RBM12: variants seen among roughly 807,000 people sequenced by gnomAD.
RBM12 encodes the protein RNA binding motif protein 12.
Under a neutral mutation model 37.2 loss-of-function variants are expected in RBM12, and 24 were observed. That is an observed-to-expected ratio of 0.65 (90% CI 0.47 to 0.91). RBM12 has a LOEUF of 0.91. RBM12 is among the 40% of genes least tolerant of loss of function. The probability of loss-of-function intolerance (pLI) is 0.00; values close to 1 mark genes in which losing one functional copy is unlikely to be tolerated. For missense variants in RBM12, 1,061 were observed against 1,183.2 expected, an observed-to-expected ratio of 0.90 and a Z score of 1.52; for synonymous variants, 420 against 425.2, an observed-to-expected ratio of 0.99 and a Z score of 0.15.
Position 35,658,965 on chromosome 20 carries a change from G to C in RBM12, c.-58C>G, listed in dbSNP as rs1263628989. Reference sequence around the variant, plus strand: ...AAGAGATGAATTTCCTTAACAAGAAGTAGAGGCCAAGTCAATCCTGTGGGC... The same window carrying C: ...AAGAGATGAATTTCCTTAACAAGAACTAGAGGCCAAGTCAATCCTGTGGGC... On this transcript the variant is annotated 5_prime_UTR_variant, in exon 2 of 3. Transcript: ENST00000374114. 1.4e-6 allele frequency: 1 copy of C among 717,022 alleles called. No homozygotes were observed. Among genetic ancestry groups the C allele is most frequent in the Non-Finnish European group, 2.6e-6 (1 of 385,026 alleles). The allele number at this position is 717,022 out of a possible 1,614,324, so 44.4% of individuals were successfully genotyped here.
intron 1 of RBM12, among the ~76,000 whole-genome samples, chr20:35,659,724 T>C (rs1368832367): frequency 6.6e-6 from 1 of 152,140 alleles, no homozygotes; most frequent in Non-Finnish European, 1.5e-5. Flanking sequence ...TAAGAGTATA[T>C]CCCAAAATAA....
chr20:35,657,681 C>T (rs928959271), intron 2 of RBM12, among the ~76,000 whole-genome samples: 1 of 152,154 alleles, frequency 6.6e-6, no homozygotes, highest in Non-Finnish European at 1.5e-5. Flanking sequence ...CTGGAAAGGG[C>T]TGAATATTAA....
chr20:35,654,641 G>A lies in RBM12; in HGVS notation c.682C>T (p.Pro228Ser), dbSNP rs745820252. The A allele has an allele frequency of 3.7e-6, 6 of 1,613,948 alleles. No individual in the cohort carries two copies. The highest frequency in any genetic ancestry group is 1.3e-5 in the African/African-American group (1 of 74,930). The change falls in exon 3 of 3, where the codon CCA (proline) becomes TCA (serine). Residue 228 changes from proline (P) to serine (S), a missense_variant. By Grantham distance (74) the Pro-to-Ser change is moderately conservative. Transcript: ENST00000374114. ...GTCATGGGTGGCACAGAAGGAACTG[G>A]GGGAATCGGGGGCACAGGAGGCACA... ...PPVPPVPPIP[P>S]VPSVPPMTPL...
Position 35,650,415 on chromosome 20 carries a change from C to G in RBM12, c.*2109G>C, listed in dbSNP as rs1264656779. ...ATAAAAGACTTTCATCTTCAAACAA[C>G]CCATTTTTCTAAAATGAAAATAGCT... On this transcript the variant is annotated 3_prime_UTR_variant, in exon 3 of 3. Transcript: ENST00000374114. 4 of 152,560 alleles carry G rather than the reference C, an allele frequency of 2.6e-5. No homozygotes were observed. The highest frequency in any genetic ancestry group is 4.4e-5 in the Non-Finnish European group (3 of 68,010). 9.5% of individuals were successfully genotyped at this position (152,560 alleles called of 1,614,324 possible). A position where few individuals can be genotyped will look rare whatever the true frequency, so the allele number is the denominator to read the frequency against.
At chr20:35,658,257 C>T (rs1262165224) in intron 2 of RBM12, among the ~76,000 whole-genome samples, 1 of 152,096 alleles carries the variant, frequency 6.6e-6, no homozygotes, top group Non-Finnish European at 1.5e-5. Flanking sequence ...GACCCATTAT[C>T]TATACTTAAA....
At position 35,654,596 on chromosome 20, in the gene RBM12, C is replaced by A; in HGVS notation, c.727G>T (p.Gly243Cys). The A allele has an allele frequency of 4.3e-6, 7 of 1,614,160 alleles. No individual in the cohort carries two copies. The highest frequency in any genetic ancestry group is 5.9e-6 in the Non-Finnish European group (7 of 1,180,030). Residue 243 changes from glycine to cysteine, a missense_variant, in exon 3 of 3, where the codon GGC becomes TGC. Gly to Cys is a radical substitution (Grantham distance 159, BLOSUM62 -3). Coordinates refer to ENST00000374114, the MANE Select transcript of RBM12 (RefSeq NM_006047.6). Reference protein sequence around the residue: ...PPMTPLPPMSGMPPLNPPPVA... With the variant: ...PPMTPLPPMSCMPPLNPPPVA... The stretch of plus-strand genomic sequence containing the variant: ...GGTGGCGGATTCAAGGGCGGCATGC[C>A]CGACATGGGTGGCAGTGGGGTCATG...
Position 35,654,650 on chromosome 20 carries a change from G to T in RBM12, c.673C>A (p.Pro225Thr). 6.2e-7 allele frequency: 1 copy of T among 1,613,974 alleles called. No individual in the cohort carries two copies. The highest frequency in any genetic ancestry group is 1.3e-5 in the African/African-American group (1 of 75,038). Reference protein sequence around the residue: ...PTLPPVPPVPPIPPVPSVPPM... With the variant: ...PTLPPVPPVPTIPPVPSVPPM... ...GGCACAGAAGGAACTGGGGGAATCG[G>T]GGGCACAGGAGGCACAGGAGGCAAT... is the stretch of plus-strand genomic sequence containing the variant. The change falls in exon 3 of 3, where the codon CCG (proline) becomes ACG (threonine). Residue 225 changes from proline to threonine, a missense_variant. Transcript: ENST00000374114.
intron 2 of RBM12, among the ~76,000 whole-genome samples, chr20:35,657,808 C>G (rs949426400): frequency 2.6e-5 from 4 of 152,096 alleles, no homozygotes; most frequent in Non-Finnish European, 4.4e-5. Flanking sequence ...CACCTGTAAC[C>G]CCAGCACTTT....
chr20:35,654,597 C>A lies in RBM12; in HGVS notation c.726G>T (p.Ser242=), dbSNP rs950331187. ...GTGGCGGATTCAAGGGCGGCATGCCCGACATGGGTGGCAGTGGGGTCATGG... is the reference window on the plus strand; with the variant it reads ...GTGGCGGATTCAAGGGCGGCATGCCAGACATGGGTGGCAGTGGGGTCATGG... The part of the protein sequence containing the change: ...VPPMTPLPPM[S]GMPPLNPPPV... Residue 242 remains serine (S), a synonymous_variant, in exon 3 of 3, where the codon TCG becomes TCT. Coordinates refer to ENST00000374114, the MANE Select transcript of RBM12 (RefSeq NM_006047.6). The A allele has an allele frequency of 6.2e-7, 1 of 1,614,058 alleles. No homozygotes were observed. Among genetic ancestry groups the A allele is most frequent in the African/African-American group, 1.3e-5 (1 of 74,914 alleles).
chr20:35,662,794 C>G (rs1450927056), intron 1 of RBM12, among the ~76,000 whole-genome samples: 2 of 152,156 alleles, frequency 1.3e-5, no homozygotes, highest in Non-Finnish European at 2.9e-5. Context: ...ACTCAATCAT[C>G]AAAACATTTG....
rs2033768600 is a variant in RBM12 at position 35,654,533 on chromosome 20, C to T, written c.790G>A (p.Ala264Thr). Residue 264 changes from alanine to threonine, a missense_variant, in exon 3 of 3, where the codon GCA (alanine) becomes ACA (threonine). Ala to Thr is a moderately conservative substitution (Grantham distance 58). This residue lies in a region of RBM12 where 540 missense variants were observed against 632.7 expected (regional missense o/e 0.85). Transcript: ENST00000374114. ...PLPAGMNGSG[A>T]PMNLNNNLNP... ...AGATTATTGTTCAAATTCATAGGTGCTCCAGAGCCATTCATTCCAGCAGGT... is the reference window on the plus strand; with the variant it reads ...AGATTATTGTTCAAATTCATAGGTGTTCCAGAGCCATTCATTCCAGCAGGT... 2.5e-6 allele frequency: 4 copies of T among 1,614,194 alleles called. No individual in the cohort carries two copies. Among genetic ancestry groups the T allele is most frequent in the African/African-American group, 1.3e-5 (1 of 75,032 alleles).
intron 2 of RBM12, among the ~76,000 whole-genome samples, chr20:35,656,927 T>TCTACTATAAG (rs763826901): frequency 1.2e-4 from 18 of 151,140 alleles, no homozygotes; most frequent in Non-Finnish European, 1.5e-4. Context: ...GGCAAGATTT[T>TCTACTATAAG]CTACTATAAG....
rs2033359985 is a variant in RBM12, at chr20:35,649,610, C to G, written c.*2914G>C. Reference sequence around the variant, plus strand: ...CACTAATAATAATTGTACATCCAAACTACTGTGTAAACACAGAACACACCT... The same window carrying G: ...CACTAATAATAATTGTACATCCAAAGTACTGTGTAAACACAGAACACACCT... On this transcript the variant is annotated 3_prime_UTR_variant, in exon 3 of 3. Transcript: ENST00000374114. The G allele has an allele frequency of 6.6e-6, 1 of 152,588 alleles. No individual in the cohort carries two copies. Among genetic ancestry groups the G allele is most frequent in the African/African-American group, 2.4e-5 (1 of 41,436 alleles). The allele number at this position is 152,588 out of a possible 1,614,324, so 9.5% of individuals were successfully genotyped here. A position where few individuals can be genotyped will look rare whatever the true frequency, so the allele number is the denominator to read the frequency against.
chr20:35,657,144 T>G (rs1770974915), intron 2 of RBM12, among the ~76,000 whole-genome samples: 1 of 152,194 alleles, frequency 6.6e-6, no homozygotes, highest in Non-Finnish European at 1.5e-5. Flanking sequence ...CAGAAAATGC[T>G]TTTTGTGAGG....
At position 35,653,749 on chromosome 20, in the gene RBM12, C is replaced by G. The variant is rs1236236384; in HGVS notation, c.1574G>C (p.Ser525Thr). 13 of 1,614,060 alleles carry G rather than the reference C, an allele frequency of 8.1e-6. No individual in the cohort carries two copies. The highest frequency in any genetic ancestry group is 1.0e-5 in the Non-Finnish European group (12 of 1,180,050). The change falls in exon 3 of 3, where the codon AGC becomes ACC. Residue 525 changes from serine (S) to threonine (T), a missense_variant. Ser to Thr is a moderately conservative substitution (Grantham distance 58, BLOSUM62 1). Coordinates refer to ENST00000374114, the MANE Select transcript of RBM12 (RefSeq NM_006047.6). ...DMIRKRLQNF[S>T]YDQREMILNP... is the part of the protein sequence containing the mutation. ...TAGTATCATTTCCCTCTGGTCATAG[C>G]TGAAGTTCTGCAGTCTTTTTCGAAT...
Position 35,654,843 on chromosome 20 carries a change from T to C in RBM12, c.480A>G (p.Pro160=), listed in dbSNP as rs2033799829. The change falls in exon 3 of 3, where the codon CCA becomes CCG. Residue 160 remains proline, a synonymous_variant. Transcript: ENST00000374114. ...GGCTCCCAAAGGAAGCCCCCATATT[T>C]GGAGGAGCTGTTCCTACGCTGGCTG... ...FSTASVGTAP[P]NMGASFGSPT... is the part of the protein sequence containing the mutation. The C allele has an allele frequency of 6.2e-7, 1 of 1,614,070 alleles. No homozygotes were observed. The highest frequency in any genetic ancestry group is 1.1e-5 in the South Asian group (1 of 91,088).
Position 35,652,441 on chromosome 20 carries a change from A to T in RBM12, c.*83T>A. The T allele has an allele frequency of 3.4e-6, 5 of 1,462,766 alleles. No homozygotes were observed. Among genetic ancestry groups the T allele is most frequent in the African/African-American group, 1.4e-5 (1 of 70,728 alleles). 90.6% of individuals were successfully genotyped at this position (1,462,766 alleles called of 1,614,324 possible). The stretch of plus-strand genomic sequence containing the variant: ...GCAATTGAAACAATCCACAGGTTCT[A>T]ACCTGGAAATACTAGGAAAACAATC... On this transcript the variant is annotated 3_prime_UTR_variant, in exon 3 of 3. Transcript: ENST00000374114.
At chr20:35,660,290 C>G (rs939844750) in intron 1 of RBM12, among the ~76,000 whole-genome samples, 1 of 152,096 alleles carries the variant, frequency 6.6e-6, no homozygotes, top group African/African-American at 2.4e-5. Flanking sequence ...AGGCTCATTG[C>G]AACCTCCGCC....
rs1367295835 is a variant in RBM12 at position 35,652,453 on chromosome 20, C to G, written c.*71G>C. 8 of 1,500,848 alleles carry G rather than the reference C, an allele frequency of 5.3e-6. No homozygotes were observed. The highest frequency in any genetic ancestry group is 6.3e-6 in the Non-Finnish European group (7 of 1,116,364). 93.0% of individuals were successfully genotyped at this position (1,500,848 alleles called of 1,614,324 possible). On this transcript the variant is annotated 3_prime_UTR_variant, in exon 3 of 3. Coordinates refer to ENST00000374114, the MANE Select transcript of RBM12 (RefSeq NM_006047.6). ...ATCCACAGGTTCTAACCTGGAAATACTAGGAAAACAATCTGGATGCATTAA... is the reference window on the plus strand; with the variant it reads ...ATCCACAGGTTCTAACCTGGAAATAGTAGGAAAACAATCTGGATGCATTAA...
Sources: gnomAD v4.1 joint callset for allele counts (sites outside exome capture counted in the v4.1 genomes callset) on GRCh38, gnomAD v4.1.1 for gene constraint, gnomAD v4.1.1 regional missense constraint, MANE v1.5 for transcripts, NCBI Gene and HGNC (gene_info 2026-07-23, HGNC 2026-07-21) for gene names.